The following CEACAM1 variants were observed in gnomAD, a reference collection of about 807,000 sequenced individuals.
CEACAM1 encodes the protein CEA cell adhesion molecule 1.
In CEACAM1, 31 loss-of-function variants were observed where a neutral mutation model predicts 49.1. The observed-to-expected ratio is 0.63, with a 90% CI of 0.47 to 0.85. CEACAM1 has a LOEUF of 0.85. Ranked by LOEUF, CEACAM1 falls within the 40% of genes least tolerant of loss-of-function variation. The pLI, the probability that CEACAM1 is intolerant of heterozygous loss-of-function variation, is 0.00. For synonymous variants in CEACAM1, 244 were observed against 247.8 expected (o/e 0.98, Z 0.14); for missense variants, 570 against 645.3 (o/e 0.88, Z 1.26).
chr19:42,515,066 C>T (rs1020139449), intron 5 of CEACAM1: 19 of 667,146 alleles, frequency 2.8e-5, no homozygotes, highest in African/African-American at 1.6e-4. Flanking sequence ...CCCAGGAGTT[C>T]GAGTCCAGCC....
intron 3 of CEACAM1, 83 bp from the exon 4 acceptor site, chr19:42,521,604 C>T: frequency 6.4e-7 from 1 of 1,559,298 alleles, no homozygotes; most frequent in Admixed American, 1.9e-5. Flanking sequence ...CACAGTGTTC[C>T]TCTCTACTAA....
chr19:42,526,937 G>A lies in CEACAM1; in HGVS notation c.424+104C>T. 5 of 1,524,784 alleles carry A rather than the reference G, an allele frequency of 3.3e-6. No homozygotes were observed. The East Asian group carries it at 6.7e-5, about 21-fold the overall frequency. 94.5% of individuals were successfully genotyped at this position (1,524,784 alleles called of 1,614,324 possible). On this transcript the variant is annotated intron_variant, in intron 2 of 8. Coordinates refer to ENST00000161559, the MANE Select transcript of CEACAM1 (RefSeq NM_001712.5). ...CTAGATGCTCAAACCTTAACATGGG[G>A]TATAATGCAGAGGAGGACACAGGCA...
Position 42,512,499 on chromosome 19 carries a change from G to A in CEACAM1, c.1247-20C>T. The A allele has an allele frequency of 6.2e-7, 1 of 1,609,972 alleles. No individual in the cohort carries two copies. The highest frequency in any genetic ancestry group is 8.5e-7 in the Non-Finnish European group (1 of 1,176,794). On this transcript the variant is annotated intron_variant, in intron 5 of 8. Transcript: ENST00000161559. Reference sequence around the variant, plus strand: ...CATTATCTGTCATGGAGAGAAAAGAGGAGAAGAAATGAAAGTGAAATTATT... The same window carrying A: ...CATTATCTGTCATGGAGAGAAAAGAAGAGAAGAAATGAAAGTGAAATTATT...
intron 1 of CEACAM1, 47 bp from the exon 2 acceptor site, chr19:42,527,447 A>C: frequency 1.3e-6 from 2 of 1,538,296 alleles, no homozygotes; most frequent in Non-Finnish European, 8.7e-7. Flanking sequence ...CCTATGCATT[A>C]GGGTAGAAAA....
At chr19:42,521,045 C>T in intron 4 of CEACAM1, 1 of 544,990 alleles carries the variant, frequency 1.8e-6, no homozygotes, top group Non-Finnish European at 3.2e-6. Context: ...GAGAGAACCC[C>T]CTCCCCACAT....
At chr19:42,515,055 G>GCCCATCCTCCCATCTGTA in intron 5 of CEACAM1, 1 of 672,674 alleles carries the variant, frequency 1.5e-6, no homozygotes, top group African/African-American at 1.8e-5. Flanking sequence ...GATTGCTTGA[G>GCCCATCCTCCCATCTGTA]CCCAGGAGTT....
chr19:42,526,832 C>G (rs552101691), intron 2 of CEACAM1, among the ~76,000 whole-genome samples: 2 of 152,282 alleles, frequency 1.3e-5, no homozygotes, highest in South Asian at 4.1e-4. Flanking sequence ...TGTCCTTCCT[C>G]TGAAGCAAAT....
At position 42,527,068 on chromosome 19, in the gene CEACAM1, C is replaced by T; in HGVS notation, c.397G>A (p.Glu133Lys). The T allele has an allele frequency of 6.2e-7, 1 of 1,609,656 alleles. No homozygotes were observed. The highest frequency in any genetic ancestry group is 8.5e-7 in the Non-Finnish European group (1 of 1,177,524). Residue 133 changes from glutamate (E) to lysine (K), a missense_variant, in exon 2 of 9, where the codon GAA becomes AAA. Transcript: ENST00000161559. ...TATACATGGAACTGTCCAGTTGCTT[C>T]TTCATTCACAAGATCTGACTTTATG... ...QVIKSDLVNE[E>K]ATGQFHVYPE...
chr19:42,509,044 TCTC>T lies in CEACAM1; in HGVS notation c.*62_*64del, dbSNP rs1440902035. ...CCTCTACCCCTACAGGGGAAAGGAA[TCTC>T]CTAGTGATGAGGGTGAGAGACTTGA... On this transcript the variant is annotated 3_prime_UTR_variant, in exon 9 of 9. Transcript: ENST00000161559. The T allele has an allele frequency of 9.4e-6, 15 of 1,601,390 alleles. No individual in the cohort carries two copies. In the East Asian group the frequency reaches 2.0e-4, roughly 22 times the overall value.
chr19:42,524,237 C>T (rs779379585), intron 2 of CEACAM1, among the ~76,000 whole-genome samples: 1 of 152,210 alleles, frequency 6.6e-6, no homozygotes, highest in Non-Finnish European at 1.5e-5. Flanking sequence ...CATGAGGACA[C>T]AGGTGTAGGT....
chr19:42,528,475 C>G lies in CEACAM1; in HGVS notation c.-101G>C. On this transcript the variant is annotated 5_prime_UTR_variant, in exon 1 of 9. Coordinates refer to ENST00000161559, the MANE Select transcript of CEACAM1 (RefSeq NM_001712.5). ...TGTCACCTCTGCTGTTTTCCACTCTCTGTGCTGAGCCTCCTCCCTGGGGCC... is the reference window on the plus strand; with the variant it reads ...TGTCACCTCTGCTGTTTTCCACTCTGTGTGCTGAGCCTCCTCCCTGGGGCC... 8.7e-7 allele frequency: 1 copy of G among 1,148,000 alleles called. No homozygotes were observed. Among genetic ancestry groups the G allele is most frequent in the East Asian group, 2.5e-5 (1 of 39,878 alleles). 71.1% of individuals were successfully genotyped at this position (1,148,000 alleles called of 1,614,324 possible).
Position 42,519,063 on chromosome 19 carries a change from G to A in CEACAM1, c.1131C>T (p.Gly377=). ...CAGGGTTTATGCTGAGGGTGGTGTT[G>A]CCCTGGGACAGCTTCATCCTCTCCG... ...PSSERMKLSQ[G]NTTLSINPVK... Residue 377 remains glycine (G), a synonymous_variant, in exon 5 of 9, where the codon GGC becomes GGT. Transcript: ENST00000161559. 6.2e-7 allele frequency: 1 copy of A among 1,611,290 alleles called. No individual in the cohort carries two copies. Among genetic ancestry groups the A allele is most frequent in the Non-Finnish European group, 8.5e-7 (1 of 1,178,334 alleles).
At chr19:42,521,190 T>G (rs1195600766) in intron 4 of CEACAM1, 77 bp downstream of exon 4, 1 of 1,543,664 alleles carries the variant, frequency 6.5e-7, no homozygotes, top group Non-Finnish European at 8.8e-7. Context: ...CAAAAGAAAA[T>G]TTCTTCTCTG....
rs761562705 is a variant in CEACAM1 at position 42,522,189 on chromosome 19, C to T, written c.438G>A (p.Lys146=). 12 of 1,614,232 alleles carry T rather than the reference C, an allele frequency of 7.4e-6. No individual in the cohort carries two copies. Among genetic ancestry groups the T allele is most frequent in the Non-Finnish European group, 1.0e-5 (12 of 1,180,042 alleles). Residue 146 remains lysine (K), a synonymous_variant, in exon 3 of 9, where the codon AAG becomes AAA. Coordinates refer to ENST00000161559, the MANE Select transcript of CEACAM1 (RefSeq NM_001712.5). ...GQFHVYPELP[K]PSISSNNSNP... ...TGGAGTTGTTGCTGGAGATGGAGGGCTTGGGCAGCTCCGCTATGCAGAAAA... is the reference window on the plus strand; with the variant it reads ...TGGAGTTGTTGCTGGAGATGGAGGGTTTGGGCAGCTCCGCTATGCAGAAAA...
intron 5 of CEACAM1, among the ~76,000 whole-genome samples, chr19:42,515,428 A>AT (rs1295230662): frequency 6.6e-6 from 1 of 152,160 alleles, no homozygotes. Context: ...AATCCCAGCA[A>AT]TTTGGGAGGC....
intron 6 of CEACAM1, 66 bp downstream of exon 6, chr19:42,512,284 C>A (rs1213804875): frequency 1.9e-6 from 3 of 1,592,672 alleles, no homozygotes; most frequent in African/African-American, 1.3e-5. Context: ...GCAAAGAATT[C>A]TTTCCCTCTC....
chr19:42,512,040 T>G (rs2041470213), intron 6 of CEACAM1, among the ~76,000 whole-genome samples: 1 of 152,222 alleles, frequency 6.6e-6, no homozygotes, highest in African/African-American at 2.4e-5. Flanking sequence ...TTTCTCCTGC[T>G]GCTTCTTTCA....
chr19:42,519,029 C>A lies in CEACAM1; in HGVS notation c.1165G>T (p.Glu389Ter). ...TTLSINPVKR[E>*]DAGTYWCEVF... is the part of the protein sequence containing the mutation. ...TCACACCAATACGTCCCAGCATCCT[C>A]CCTCTTGACAGGGTTTATGCTGAGG... The change falls in exon 5 of 9, where the codon GAG becomes TAG. Residue 389 changes from glutamate to a stop codon, truncating the protein, a stop_gained. Coordinates refer to ENST00000161559, the MANE Select transcript of CEACAM1 (RefSeq NM_001712.5). LOFTEE classifies it high-confidence loss of function. The A allele has an allele frequency of 6.2e-7, 1 of 1,613,284 alleles. No individual in the cohort carries two copies. The highest frequency in any genetic ancestry group is 1.1e-5 in the South Asian group (1 of 91,054).
rs1229319242 is a variant in CEACAM1, at chr19:42,512,333, A to G, written c.1376+17T>C. On this transcript the variant is annotated intron_variant, in intron 6 of 8. Transcript: ENST00000161559. ...TCAGCCTTGGAGGAAACAGAACAAG[A>G]GGAAAGGCCATCATACCTGCCGGTC... The G allele has an allele frequency of 6.2e-7, 1 of 1,613,814 alleles. No homozygotes were observed. Among genetic ancestry groups the G allele is most frequent in the Non-Finnish European group, 8.5e-7 (1 of 1,179,830 alleles).
Sources: allele counts gnomAD v4.1 joint callset (sites outside exome capture counted in the v4.1 genomes callset), GRCh38; gene constraint gnomAD v4.1.1; transcripts MANE v1.5; gene names NCBI Gene and HGNC (gene_info 2026-07-23, HGNC 2026-07-21).